Variants in RAP1B observed in about 807,000 individuals in gnomAD.
The protein encoded by RAP1B is RAP1B, member of RAS oncogene family.
Under a neutral mutation model 27.5 loss-of-function variants are expected in RAP1B, and 1 was observed. The observed-to-expected ratio is 0.04, with a 90% CI of 0.01 to 0.17. RAP1B has a LOEUF of 0.17. RAP1B is among the 10% of genes least tolerant of loss of function. The pLI is 1.00. For missense variants in RAP1B, 84 were observed against 214.8 expected (o/e 0.39, Z 3.81); for synonymous variants, 75 against 73.1 (o/e 1.03, Z -0.13).
intron 1 of RAP1B, among the ~76,000 whole-genome samples, chr12:68,643,906 A>G (rs754017883): frequency 6.6e-6 from 1 of 152,086 alleles, no homozygotes; most frequent in Admixed American, 6.5e-5. Context: ...AAAATTCCCT[A>G]TCCCCCCACC....
chr12:68,616,675 C>G (rs1279132234), intron 1 of RAP1B, among the ~76,000 whole-genome samples: 1 of 152,002 alleles, frequency 6.6e-6, no homozygotes, highest in Non-Finnish European at 1.5e-5. Context: ...CTCAGGTGAT[C>G]CACCTGGCTT....
At chr12:68,631,231 C>G (rs931392149) in intron 1 of RAP1B, among the ~76,000 whole-genome samples, 1 of 152,168 alleles carries the variant, frequency 6.6e-6, no homozygotes, top group Non-Finnish European at 1.5e-5. Flanking sequence ...TTGAATAAAG[C>G]TGAAATTACC....
intron 7 of RAP1B, chr12:68,657,491 G>A (rs1160055127): frequency 2.0e-5 from 4 of 198,518 alleles, no homozygotes; most frequent in Non-Finnish European, 4.1e-5. Context: ...TGCAACCTCC[G>A]CCTCCCAGGT....
At position 68,656,597 on chromosome 12, in the gene RAP1B, CTA is replaced by C. The variant is rs936221905; in HGVS notation, c.468+150_468+151del. The C allele has an allele frequency of 5.6e-6, 4 of 718,606 alleles. No homozygotes were observed. The African/African-American group carries it at 7.4e-5, about 13-fold the overall frequency. 44.5% of individuals were successfully genotyped at this position (718,606 alleles called of 1,614,324 possible). On this transcript the variant is annotated intron_variant, in intron 6 of 7. Coordinates refer to ENST00000250559, the MANE Select transcript of RAP1B (RefSeq NM_001010942.3). ...AAAAAAACCCTCATGTTAAATGTATCTATGTAGTAAATAAACAATACTATTTC... is the reference window on the plus strand; with the variant it reads ...AAAAAAACCCTCATGTTAAATGTATCTGTAGTAAATAAACAATACTATTTC...
intron 1 of RAP1B, among the ~76,000 whole-genome samples, chr12:68,629,853 G>T (rs1397435143): frequency 1.3e-5 from 2 of 152,136 alleles, no homozygotes; most frequent in African/African-American, 4.8e-5. Context: ...TTCTTTATAG[G>T]TGTTTTGATT....
At position 68,662,881 on chromosome 12, in the gene RAP1B, G is replaced by A. The variant is rs1334156009; in HGVS notation, c.*3632G>A. 6.6e-6 allele frequency: 1 copy of A among 151,794 alleles called. No individual in the cohort carries two copies. Among genetic ancestry groups the A allele is most frequent in the East Asian group, 1.9e-4 (1 of 5,186 alleles). The allele number at this position is 151,794 out of a possible 1,614,324, so 9.4% of individuals were successfully genotyped here. ...GGCATGGTGGTGCACGTCTGTACCT[G>A]TAGTCCCAGCTATTCAGAAGGATTG... On this transcript the variant is annotated 3_prime_UTR_variant, in exon 8 of 8. Transcript: ENST00000250559.
intron 1 of RAP1B, among the ~76,000 whole-genome samples, chr12:68,611,848 A>G (rs1298421032): frequency 2.6e-5 from 4 of 152,166 alleles, no homozygotes; most frequent in African/African-American, 9.7e-5. Context: ...CTAATCCTAA[A>G]ACTATCAGCG....
Position 68,664,191 on chromosome 12 carries a change from A to G in RAP1B, c.*4942A>G, listed in dbSNP as rs1874749248. On this transcript the variant is annotated 3_prime_UTR_variant, in exon 8 of 8. Coordinates refer to ENST00000250559, the MANE Select transcript of RAP1B (RefSeq NM_001010942.3). ...TATTACAGGATTTTTATGTAATAAT[A>G]TATTCACTTCAGTCAGGTTTCAGTT... is the stretch of plus-strand genomic sequence containing the variant. 6.6e-6 allele frequency: 1 copy of G among 152,204 alleles called. No homozygotes were observed. The highest frequency in any genetic ancestry group is 2.4e-5 in the African/African-American group (1 of 41,440). The allele number at this position is 152,204 out of a possible 1,614,324, so 9.4% of individuals were successfully genotyped here.
intron 1 of RAP1B, among the ~76,000 whole-genome samples, chr12:68,637,223 C>A (rs565982729): frequency 2.0e-5 from 3 of 152,106 alleles, no homozygotes; most frequent in African/African-American, 7.2e-5. Context: ...ACATGTAAAT[C>A]TTTAATAAAC....
intron 1 of RAP1B, among the ~76,000 whole-genome samples, chr12:68,635,045 G>T (rs1177325459): frequency 1.3e-5 from 2 of 152,134 alleles, no homozygotes; most frequent in East Asian, 3.8e-4. Flanking sequence ...ATCTTTCTTG[G>T]CAGAATGAGT....
rs1874744956 is a variant in RAP1B, at chr12:68,664,093, A to G, written c.*4844A>G. On this transcript the variant is annotated 3_prime_UTR_variant, in exon 8 of 8. Coordinates refer to ENST00000250559, the MANE Select transcript of RAP1B (RefSeq NM_001010942.3). ...TGACTTTCCTTACAGACCCACATAAATGAGACAATCCAAATTTAGTATTTG... is the reference window on the plus strand; with the variant it reads ...TGACTTTCCTTACAGACCCACATAAGTGAGACAATCCAAATTTAGTATTTG... The G allele has an allele frequency of 6.6e-6, 1 of 152,286 alleles. No individual in the cohort carries two copies. The highest frequency in any genetic ancestry group is 1.9e-4 in the East Asian group (1 of 5,192). The allele number at this position is 152,286 out of a possible 1,614,324, so 9.4% of individuals were successfully genotyped here. A position where few individuals can be genotyped will look rare whatever the true frequency, so the allele number is the denominator to read the frequency against.
rs746529539 is a variant in RAP1B, at chr12:68,668,373, A to T, written c.*9124A>T. ...AAGGAAGGGGTTTTTTTCTTAGCCCAGTTACTACTAAAACTCACTCAGAGG... is the reference window on the plus strand; with the variant it reads ...AAGGAAGGGGTTTTTTTCTTAGCCCTGTTACTACTAAAACTCACTCAGAGG... On this transcript the variant is annotated 3_prime_UTR_variant, in exon 8 of 8. Coordinates refer to ENST00000250559, the MANE Select transcript of RAP1B (RefSeq NM_001010942.3). 1.3e-5 allele frequency: 2 copies of T among 152,208 alleles called. No homozygotes were observed. Among genetic ancestry groups the T allele is most frequent in the Admixed American group, 6.5e-5 (1 of 15,282 alleles). The allele number at this position is 152,208 out of a possible 1,614,324, so 9.4% of individuals were successfully genotyped here.
At chr12:68,620,423 A>G (rs1871309903) in intron 1 of RAP1B, among the ~76,000 whole-genome samples, 1 of 151,836 alleles carries the variant, frequency 6.6e-6, no homozygotes. Flanking sequence ...GGGTTTCACC[A>G]TATTGGCCAG....
rs900129301 is a variant in RAP1B, at chr12:68,663,935, T to G, written c.*4686T>G. The G allele has an allele frequency of 3.9e-5, 6 of 152,190 alleles. No homozygotes were observed. The highest frequency in any genetic ancestry group is 1.4e-4 in the African/African-American group (6 of 41,446). 9.4% of individuals were successfully genotyped at this position (152,190 alleles called of 1,614,324 possible). ...CTTTCTAAGAGAAAATTGTAATGAT[T>G]TTAGAAAAGTGAGCTGTCATTTTTC... On this transcript the variant is annotated 3_prime_UTR_variant, in exon 8 of 8. Transcript: ENST00000250559.
chr12:68,619,818 CT>C (rs748478602), intron 1 of RAP1B, among the ~76,000 whole-genome samples: 6 of 152,118 alleles, frequency 3.9e-5, no homozygotes, highest in Non-Finnish European at 5.9e-5. Context: ...AGTTTAACTT[CT>C]TTGTAGTCTT....
rs1875080026 is a variant in RAP1B at position 68,671,204 on chromosome 12, C to T, written c.*11955C>T. ...AACGAGCCCAACACATGGACGAAAACTTCAGAGAACACTACAGTCCCAGAA... is the reference window on the plus strand; with the variant it reads ...AACGAGCCCAACACATGGACGAAAATTTCAGAGAACACTACAGTCCCAGAA... On this transcript the variant is annotated 3_prime_UTR_variant, in exon 8 of 8. Coordinates refer to ENST00000250559, the MANE Select transcript of RAP1B (RefSeq NM_001010942.3). 1 of 152,012 alleles carries T rather than the reference C, an allele frequency of 6.6e-6. No individual in the cohort carries two copies. Among genetic ancestry groups the T allele is most frequent in the South Asian group, 2.1e-4 (1 of 4,820 alleles). 9.4% of individuals were successfully genotyped at this position (152,012 alleles called of 1,614,324 possible).
intron 4 of RAP1B, among the ~76,000 whole-genome samples, chr12:68,653,884 T>G (rs1470395346): frequency 6.6e-6 from 1 of 151,436 alleles, no homozygotes; most frequent in Non-Finnish European, 1.5e-5. Context: ...TGAGCCGAGG[T>G]CGCGCCACTG....
intron 1 of RAP1B, among the ~76,000 whole-genome samples, chr12:68,630,576 A>G (rs957105611): frequency 4.6e-5 from 7 of 152,150 alleles, no homozygotes; most frequent in Admixed American, 3.3e-4. Context: ...TTATATAGCA[A>G]TAATCATTAC....
chr12:68,661,460 G>A lies in RAP1B; in HGVS notation c.*2211G>A, dbSNP rs1220505951. On this transcript the variant is annotated 3_prime_UTR_variant, in exon 8 of 8. Transcript: ENST00000250559. ...TACTTAAGTATAAAAATTGTTCTAG[G>A]CCTAAGGATGTAGCAGCAACCAAGA... is the stretch of plus-strand genomic sequence containing the variant. 6.6e-6 allele frequency: 1 copy of A among 152,010 alleles called. No homozygotes were observed. The highest frequency in any genetic ancestry group is 1.5e-5 in the Non-Finnish European group (1 of 68,024). 9.4% of individuals were successfully genotyped at this position (152,010 alleles called of 1,614,324 possible).
Sources: allele counts gnomAD v4.1 joint callset (sites outside exome capture counted in the v4.1 genomes callset), GRCh38; gene constraint gnomAD v4.1.1; transcripts MANE v1.5; gene names NCBI Gene and HGNC (gene_info 2026-07-23, HGNC 2026-07-21).